IL1RAPL2: variants seen among roughly 807,000 people sequenced by gnomAD.
IL1RAPL2 encodes interleukin 1 receptor accessory protein like 2, also known as X-linked interleukin-1 receptor accessory protein-like 2.
In IL1RAPL2, 3 loss-of-function variants were observed where a neutral mutation model predicts 44.1. That is an observed-to-expected ratio of 0.07 (90% CI 0.03 to 0.18). IL1RAPL2 has a LOEUF of 0.18. IL1RAPL2 is among the 10% of genes least tolerant of loss of function. The pLI, the probability that IL1RAPL2 is intolerant of heterozygous loss-of-function variation, is 1.00. For missense variants in IL1RAPL2, 391 were observed against 496.4 expected (o/e 0.79, Z 2.02); for synonymous variants, 181 against 178.8 (o/e 1.01, Z -0.10).
chrX:104,631,240 G>A (rs1393231539), intron 1 of IL1RAPL2, among the ~76,000 whole-genome samples: 1 of 111,844 alleles, frequency 8.9e-6, no homozygotes, highest in Non-Finnish European at 1.9e-5. Flanking sequence ...GTCTATCATT[G>A]TTGGACATTT....
intron 4 of IL1RAPL2, among the ~76,000 whole-genome samples, chrX:105,250,922 G>A (rs1219774521): frequency 9.0e-6 from 1 of 110,829 alleles, no homozygotes; most frequent in Admixed American, 9.6e-5. Context: ...AAATACTTAT[G>A]TATGAGAATG....
At chrX:105,002,955 G>T (rs957751349) in intron 2 of IL1RAPL2, among the ~76,000 whole-genome samples, 5 of 111,348 alleles carry the variant, frequency 4.5e-5, no homozygotes, top group African/African-American at 1.6e-4. Context: ...GAGAGTTGCT[G>T]AGATTGGTAA....
At chrX:104,939,978 A>C (rs2147701956) in intron 2 of IL1RAPL2, among the ~76,000 whole-genome samples, 1 of 111,630 alleles carries the variant, frequency 9.0e-6, no homozygotes, top group Non-Finnish European at 1.9e-5. Context: ...AGGGTAAAGG[A>C]TATATCTTTT....
intron 2 of IL1RAPL2, among the ~76,000 whole-genome samples, chrX:104,686,524 G>C (rs375793056): frequency 3.6e-5 from 4 of 111,890 alleles, no homozygotes; most frequent in African/African-American, 1.3e-4. Context: ...TGTTTGCCCT[G>C]AGCTTCAAAA....
intron 5 of IL1RAPL2, among the ~76,000 whole-genome samples, chrX:105,279,616 A>G (rs1186647770): frequency 9.0e-6 from 1 of 111,298 alleles, no homozygotes; most frequent in East Asian, 2.8e-4. Context: ...AGTAGCTGGG[A>G]CTACAGGCGT....
chrX:104,857,262 G>A (rs1922389819), intron 2 of IL1RAPL2, among the ~76,000 whole-genome samples: 1 of 111,654 alleles, frequency 9.0e-6, no homozygotes, highest in African/African-American at 3.3e-5. Flanking sequence ...ATAGGTTTAG[G>A]ACATAAGATG....
At chrX:105,307,267 A>G (rs2034746339) in intron 5 of IL1RAPL2, among the ~76,000 whole-genome samples, 1 of 98,646 alleles carries the variant, frequency 1.0e-5, no homozygotes, top group African/African-American at 3.7e-5. Flanking sequence ...TCTCTCCCAA[A>G]AAAAAAATTT....
At chrX:104,812,494 T>C (rs1276649316) in intron 2 of IL1RAPL2, among the ~76,000 whole-genome samples, 1 of 110,728 alleles carries the variant, frequency 9.0e-6, no homozygotes, top group Non-Finnish European at 1.9e-5. Context: ...CCTGATGGGG[T>C]CTTAGTGAAG....
At chrX:105,233,429 C>T (rs782019833) in intron 3 of IL1RAPL2, among the ~76,000 whole-genome samples, 2 of 112,313 alleles carry the variant, frequency 1.8e-5, no homozygotes, top group Non-Finnish European at 3.8e-5. Flanking sequence ...CCTGTAGTAA[C>T]TGTTAAAGGA....
At chrX:105,155,154 G>T (rs1267657103) in intron 2 of IL1RAPL2, among the ~76,000 whole-genome samples, 1 of 111,357 alleles carries the variant, frequency 9.0e-6, no homozygotes, top group African/African-American at 3.3e-5. Context: ...CTTCCATGGT[G>T]CTTACCCCCT....
At chrX:105,499,410 G>A (rs1428961148) in intron 6 of IL1RAPL2, among the ~76,000 whole-genome samples, 2 of 110,649 alleles carry the variant, frequency 1.8e-5, no homozygotes, top group Non-Finnish European at 3.8e-5. Context: ...AAACTGAAAC[G>A]CTTCTATGCA....
At chrX:105,405,541 C>T (rs1264264406) in intron 5 of IL1RAPL2, 63 of 521,633 alleles carry the variant, frequency 1.2e-4, no homozygotes, top group Middle Eastern at 5.7e-4. Context: ...CAAAGGGAGG[C>T]GAATCCGAGT....
chrX:105,699,811 T>C (rs5962569), intron 6 of IL1RAPL2, among the ~76,000 whole-genome samples: 35,422 of 110,652 alleles, frequency 0.32, 4,301 homozygotes, highest in Middle Eastern at 0.38. Flanking sequence ...GCTGTGCCTT[T>C]TTGTCCTTTT....
At chrX:104,855,680 CG>C (rs1299540414) in intron 2 of IL1RAPL2, among the ~76,000 whole-genome samples, 7 of 53,778 alleles carry the variant, frequency 1.3e-4, no homozygotes, top group African/African-American at 4.4e-4. Context: ...GATCTGGATC[CG>C]TTTTTTTTTT....
rs1248010851 is a variant in IL1RAPL2 at position 104,946,656 on chromosome X, A to C, written c.83-248819A>C. Among the ~76,000 whole-genome samples the C allele has an allele frequency of 3.1e-5, 3 of 95,883 alleles. No homozygotes were observed. In the South Asian group the frequency reaches 1.7e-3, roughly 54 times the overall value. 83.3% of individuals were successfully genotyped at this position (95,883 alleles called of 115,157 possible). A position where few individuals can be genotyped will look rare whatever the true frequency, so the allele number is the denominator to read the frequency against. On this transcript the variant is annotated intron_variant, in intron 2 of 10. Transcript: ENST00000372582. ...GTTCAATTCCCACCTATGAGTGAGA[A>C]TATGCGGTGTTTGGTTTTTAGTTCT...
intron 6 of IL1RAPL2, among the ~76,000 whole-genome samples, chrX:105,604,962 C>A (rs1044449013): frequency 1.8e-5 from 2 of 110,692 alleles, no homozygotes; most frequent in African/African-American, 6.6e-5. Context: ...ACACTCCCTA[C>A]AAAGTATGCA....
intron 2 of IL1RAPL2, among the ~76,000 whole-genome samples, chrX:104,959,164 C>T (rs1196702751): frequency 1.8e-5 from 2 of 110,690 alleles, no homozygotes; most frequent in Non-Finnish European, 3.8e-5. Flanking sequence ...GCAAAGAAAG[C>T]ATGAACACCT....
intron 2 of IL1RAPL2, among the ~76,000 whole-genome samples, chrX:104,829,068 G>A (rs906098748): frequency 1.8e-5 from 2 of 112,166 alleles, no homozygotes; most frequent in African/African-American, 6.5e-5. Flanking sequence ...GCTGGGCTCT[G>A]TGGGGTTGGG....
chrX:105,600,692 T>TGATATTAATTTATAATAA (rs1486984019), intron 6 of IL1RAPL2, among the ~76,000 whole-genome samples: 1 of 108,963 alleles, frequency 9.2e-6, no homozygotes, highest in African/African-American at 3.3e-5. Context: ...AATATTTAAT[T>TGATATTAATTTATAATAA]AATTTAATTG....
Sources: gnomAD v4.1 joint callset for allele counts (sites outside exome capture counted in the v4.1 genomes callset) on GRCh38, gnomAD v4.1.1 for gene constraint, MANE v1.5 for transcripts, NCBI Gene and HGNC (gene_info 2026-07-23, HGNC 2026-07-21) for gene names.